The following APLF variants were observed in gnomAD, a reference collection of about 807,000 sequenced individuals.
APLF encodes the protein aprataxin and PNKP like factor, also known as aprataxin and PNK-like factor.
A neutral mutation model predicts 55.6 loss-of-function variants in APLF; 61 were observed. That is an observed-to-expected ratio of 1.10 (90% CI 0.89 to 1.36). The LOEUF is 1.36. Ranked by LOEUF, APLF falls within the 40% of genes most tolerant of loss-of-function variation. The probability of loss-of-function intolerance (pLI) is 0.00; values close to 1 mark genes in which losing one functional copy is unlikely to be tolerated. For missense variants in APLF, 611 were observed against 602.5 expected (o/e 1.01, Z -0.15); for synonymous variants, 207 against 214.8 (o/e 0.96, Z 0.32).
chr2:68,544,747 T>C (rs1670652654), intron 7 of APLF, among the ~76,000 whole-genome samples: 1 of 152,164 alleles, frequency 6.6e-6, no homozygotes. Context: ...ATGGATTTAG[T>C]GATTGAAGAG....
rs1297715476 is a variant in APLF at position 68,526,070 on chromosome 2, T to A, written c.632T>A (p.Ile211Asn). Residue 211 changes from isoleucine to asparagine, a missense_variant, in exon 6 of 10, where the codon ATC becomes AAC. Coordinates refer to ENST00000303795, the MANE Select transcript of APLF (RefSeq NM_173545.3). ...SVPAISGGNVIQGSGKEEICK... is the reference protein window; with the variant it reads ...SVPAISGGNVNQGSGKEEICK... ...TCTTTATGTGTTTAAGGTAATGTAA[T>A]CCAGGGAAGTGGAAAAGAAGAAATC... 6.2e-7 allele frequency: 1 copy of A among 1,612,678 alleles called. No homozygotes were observed. The highest frequency in any genetic ancestry group is 1.1e-5 in the South Asian group (1 of 90,800).
At chr2:68,565,327 C>T (rs1171626632) in intron 8 of APLF, among the ~76,000 whole-genome samples, 2 of 151,766 alleles carry the variant, frequency 1.3e-5, no homozygotes, top group African/African-American at 2.4e-5. Flanking sequence ...GCTCAATGAC[C>T]CCATACCTGC....
chr2:68,541,974 T>C (rs1288164766), intron 7 of APLF, among the ~76,000 whole-genome samples: 1 of 152,116 alleles, frequency 6.6e-6, no homozygotes, highest in Non-Finnish European at 1.5e-5. Context: ...AGAGAGCCTA[T>C]AAATAAATCC....
intron 9 of APLF, among the ~76,000 whole-genome samples, chr2:68,567,770 C>A (rs1396506313): frequency 6.6e-6 from 1 of 151,954 alleles, no homozygotes; most frequent in Non-Finnish European, 1.5e-5. Flanking sequence ...CCCCAAAGAC[C>A]CAATTTTTTC....
At chr2:68,492,561 C>T (rs1676405491) in intron 2 of APLF, among the ~76,000 whole-genome samples, 1 of 152,092 alleles carries the variant, frequency 6.6e-6, no homozygotes. Context: ...AAAATCTTAC[C>T]TTGAGTTAAA....
At chr2:68,489,810 T>A (rs1168023601) in intron 1 of APLF, among the ~76,000 whole-genome samples, 1 of 152,208 alleles carries the variant, frequency 6.6e-6, no homozygotes, top group Non-Finnish European at 1.5e-5. Context: ...CATGACATAC[T>A]ATATGTTTCT....
At chr2:68,576,625 A>T (rs1671632558) in intron 9 of APLF, among the ~76,000 whole-genome samples, 1 of 152,122 alleles carries the variant, frequency 6.6e-6, no homozygotes, top group African/African-American at 2.4e-5. Context: ...GCTGTCTCAA[A>T]TCCTTTCTGG....
chr2:68,534,579 C>T (rs1236884382), intron 6 of APLF, among the ~76,000 whole-genome samples: 2 of 152,104 alleles, frequency 1.3e-5, no homozygotes, highest in African/African-American at 2.4e-5. Flanking sequence ...ATTCCCACCA[C>T]CTCCAAACAC....
At chr2:68,503,358 G>A (rs115338674) in intron 3 of APLF, among the ~76,000 whole-genome samples, 3,874 of 152,112 alleles carry the variant, frequency 0.025, 63 homozygotes, top group South Asian at 0.043. Flanking sequence ...AGGAAATGAG[G>A]TATTAGAATA....
At chr2:68,565,543 A>G (rs1671285414) in intron 8 of APLF, among the ~76,000 whole-genome samples, 1 of 152,020 alleles carries the variant, frequency 6.6e-6, no homozygotes, top group Non-Finnish European at 1.5e-5. Context: ...ACATACATAC[A>G]TACATACATA....
At chr2:68,550,792 CT>C (rs1299138421) in intron 8 of APLF, among the ~76,000 whole-genome samples, 7 of 152,082 alleles carry the variant, frequency 4.6e-5, no homozygotes, top group Non-Finnish European at 8.8e-5. Flanking sequence ...CCTTACATCA[CT>C]TTAATTTCAT....
At chr2:68,511,214 C>CA (rs955938396) in intron 3 of APLF, among the ~76,000 whole-genome samples, 1 of 151,678 alleles carries the variant, frequency 6.6e-6, no homozygotes, top group African/African-American at 2.4e-5. Flanking sequence ...AAGGATAACT[C>CA]AATTACCTTT....
chr2:68,555,579 T>G (rs1670982528), intron 8 of APLF, among the ~76,000 whole-genome samples: 1 of 152,136 alleles, frequency 6.6e-6, no homozygotes, highest in South Asian at 2.1e-4. Context: ...TCACTAGTGA[T>G]CAGGGAAATG....
chr2:68,487,595 T>C (rs1676225659), intron 1 of APLF, among the ~76,000 whole-genome samples: 1 of 152,182 alleles, frequency 6.6e-6, no homozygotes, highest in Non-Finnish European at 1.5e-5. Flanking sequence ...GATGTATTAA[T>C]AAATAATAAA....
chr2:68,554,758 A>G (rs931026622), intron 8 of APLF, among the ~76,000 whole-genome samples: 1 of 152,084 alleles, frequency 6.6e-6, no homozygotes, highest in East Asian at 1.9e-4. Context: ...GTATCCGGAA[A>G]CTTTGGTGAA....
chr2:68,556,146 T>C (rs1671001803), intron 8 of APLF, among the ~76,000 whole-genome samples: 1 of 152,138 alleles, frequency 6.6e-6, no homozygotes, highest in Non-Finnish European at 1.5e-5. Context: ...GGAGCTAAGC[T>C]GTGAGGATGC....
At chr2:68,530,142 T>C (rs1396339388) in intron 6 of APLF, among the ~76,000 whole-genome samples, 1 of 152,202 alleles carries the variant, frequency 6.6e-6, no homozygotes, top group Non-Finnish European at 1.5e-5. Flanking sequence ...GTCATTCAGG[T>C]GGTCATGGCC....
chr2:68,533,005 T>A (rs542161923), intron 6 of APLF, among the ~76,000 whole-genome samples: 36 of 152,106 alleles, frequency 2.4e-4, no homozygotes, highest in Non-Finnish European at 4.3e-4. Context: ...GCAGGAGGAC[T>A]GCTTAAGCCC....
At chr2:68,527,856 G>A (rs1227722419) in intron 6 of APLF, among the ~76,000 whole-genome samples, 13 of 134,042 alleles carry the variant, frequency 9.7e-5, no homozygotes, top group Admixed American at 3.1e-4. Flanking sequence ...CTTCCCAGAC[G>A]GTGGAGTAGC....
Sources: gnomAD v4.1 joint callset for allele counts (sites outside exome capture counted in the v4.1 genomes callset) on GRCh38, gnomAD v4.1.1 for gene constraint, MANE v1.5 for transcripts, NCBI Gene and HGNC (gene_info 2026-07-23, HGNC 2026-07-21) for gene names.